Variants in RGS7BP observed in about 807,000 individuals in gnomAD.
The protein encoded by RGS7BP is regulator of G protein signaling 7 binding protein, also known as regulator of G protein signaling 7-binding protein.
RGS7BP carries 9 observed loss-of-function variants against 31.3 expected under a neutral mutation model. The ratio of observed to expected loss-of-function variants is 0.29; its 90% confidence interval spans 0.17 to 0.50. RGS7BP has a LOEUF of 0.50. RGS7BP is among the 20% of genes least tolerant of loss of function. RGS7BP has a pLI of 0.98. For missense variants in RGS7BP, 274 were observed against 322.0 expected, an observed-to-expected ratio of 0.85 and a Z score of 1.14; for synonymous variants, 115 against 120.1, an observed-to-expected ratio of 0.96 and a Z score of 0.28.
intron 2 of RGS7BP, among the ~76,000 whole-genome samples, chr5:64,541,666 G>T (rs1741528755): frequency 1.3e-5 from 2 of 152,084 alleles, no homozygotes; most frequent in Admixed American, 6.5e-5. Context: ...GAATGTAGTT[G>T]TACTTACAGT....
rs66605526 is a variant in RGS7BP at position 64,606,021 on chromosome 5, CATAT to C, written c.683-3124_683-3121del. 1.7e-3 allele frequency among the ~76,000 whole-genome samples: 194 copies of C among 115,158 alleles called. 5 individuals carry two copies. The highest frequency in any genetic ancestry group is 3.8e-3 in the African/African-American group (108 of 28,148). The allele number at this position is 115,158 out of a possible 152,430, so 75.5% of individuals were successfully genotyped here. A position where few individuals can be genotyped will look rare whatever the true frequency, so the allele number is the denominator to read the frequency against. On this transcript the variant is annotated intron_variant, in intron 5 of 5. Transcript: ENST00000334025. The stretch of plus-strand genomic sequence containing the variant: ...TGCTATATATATGTATATCTGGATA[CATAT>C]ATATATATATATATAGAGAGAGAGA...
chr5:64,566,132 C>T (rs1341100650), intron 2 of RGS7BP, among the ~76,000 whole-genome samples: 1 of 151,796 alleles, frequency 6.6e-6, no homozygotes, highest in African/African-American at 2.4e-5. Context: ...CCCTGGGTCT[C>T]TGGCACATAG....
chr5:64,541,042 A>G (rs1436534303), intron 2 of RGS7BP, among the ~76,000 whole-genome samples: 1 of 152,118 alleles, frequency 6.6e-6, no homozygotes, highest in Non-Finnish European at 1.5e-5. Context: ...AATACCTGAG[A>G]CTGGATAATT....
intron 2 of RGS7BP, among the ~76,000 whole-genome samples, chr5:64,549,255 C>G (rs1277537147): frequency 6.6e-6 from 1 of 152,146 alleles, no homozygotes; most frequent in Non-Finnish European, 1.5e-5. Flanking sequence ...ATTCCCGTTG[C>G]AAAAGGGAGA....
intron 3 of RGS7BP, among the ~76,000 whole-genome samples, chr5:64,580,926 A>C (rs1022042042): frequency 4.6e-5 from 7 of 152,158 alleles, no homozygotes; most frequent in African/African-American, 1.7e-4. Flanking sequence ...TATAATAAAA[A>C]CTGGAGGCCA....
chr5:64,601,866 A>C (rs1311194864), intron 5 of RGS7BP, among the ~76,000 whole-genome samples: 1 of 152,240 alleles, frequency 6.6e-6, no homozygotes, highest in Non-Finnish European at 1.5e-5. Context: ...AAACAAAACA[A>C]ATCAGCAGAA....
chr5:64,526,258 T>TGTAA (rs982963461), intron 2 of RGS7BP, among the ~76,000 whole-genome samples: 9 of 152,134 alleles, frequency 5.9e-5, no homozygotes, highest in Non-Finnish European at 1.5e-5. Flanking sequence ...ATTGTACAAA[T>TGTAA]GTAAGTTTGC....
intron 2 of RGS7BP, among the ~76,000 whole-genome samples, chr5:64,536,432 C>T (rs1030795402): frequency 2.6e-5 from 4 of 152,052 alleles, no homozygotes; most frequent in Non-Finnish European, 5.9e-5. Context: ...TGTTTATTGT[C>T]GCACGCGTTC....
At chr5:64,564,133 C>A (rs1742115129) in intron 2 of RGS7BP, among the ~76,000 whole-genome samples, 1 of 152,080 alleles carries the variant, frequency 6.6e-6, no homozygotes, top group South Asian at 2.1e-4. Flanking sequence ...AGCAAATGAC[C>A]TAGAAAAAAC....
At chr5:64,606,029 T>TATGCTATATATATGTATATCTGGATAC in intron 5 of RGS7BP, among the ~76,000 whole-genome samples, 1 of 142,816 alleles carries the variant, frequency 7.0e-6, no homozygotes, top group Non-Finnish European at 1.5e-5. Context: ...TACATATATA[T>TATGCTATATATATGTATATCTGGATAC]ATATATATAT....
At chr5:64,570,673 T>C (rs1462766887) in intron 2 of RGS7BP, among the ~76,000 whole-genome samples, 1 of 152,152 alleles carries the variant, frequency 6.6e-6, no homozygotes, top group Non-Finnish European at 1.5e-5. Flanking sequence ...AACTTGACCT[T>C]ACCAATTATA....
In RGS7BP at chr5:64,594,700, C is replaced by T. The variant is rs1356210660; in HGVS notation, c.464-10C>T. The stretch of plus-strand genomic sequence containing the variant: ...TCCTCTTCTCTTTACCAACACCCTC[C>T]CTCCCTTAGGAAAGGAACCTGGCGG... On this transcript the variant is annotated splice_polypyrimidine_tract_variant and intron_variant, in intron 3 of 5. Transcript: ENST00000334025. 6 of 1,613,392 alleles carry T rather than the reference C, an allele frequency of 3.7e-6. No homozygotes were observed. Among genetic ancestry groups the T allele is most frequent in the Admixed American group, 3.3e-5 (2 of 59,970 alleles).
intron 2 of RGS7BP, among the ~76,000 whole-genome samples, chr5:64,547,737 A>C (rs920956313): frequency 3.9e-5 from 6 of 152,202 alleles, no homozygotes; most frequent in South Asian, 2.1e-4. Flanking sequence ...AATAGCTTCC[A>C]TGATGATGGA....
At chr5:64,541,939 A>G (rs1741535933) in intron 2 of RGS7BP, among the ~76,000 whole-genome samples, 1 of 124,904 alleles carries the variant, frequency 8.0e-6, no homozygotes, top group South Asian at 3.0e-4. Flanking sequence ...CATTTCATAT[A>G]TTTTCTATTC....
intron 3 of RGS7BP, among the ~76,000 whole-genome samples, chr5:64,588,175 A>G (rs1561345320): frequency 6.6e-6 from 1 of 152,224 alleles, no homozygotes. Context: ...ATTTGTTGGA[A>G]GTAAAAATGT....
At chr5:64,539,340 A>G (rs1437946832) in intron 2 of RGS7BP, among the ~76,000 whole-genome samples, 1 of 152,154 alleles carries the variant, frequency 6.6e-6, no homozygotes, top group Non-Finnish European at 1.5e-5. Context: ...TTTTCTTAAC[A>G]GTGTTTTTCA....
intron 2 of RGS7BP, among the ~76,000 whole-genome samples, chr5:64,512,079 G>C (rs1284197669): frequency 6.6e-6 from 1 of 152,174 alleles, no homozygotes; most frequent in Non-Finnish European, 1.5e-5. Context: ...ACATCCTCCA[G>C]CACACCTTGG....
intron 2 of RGS7BP, chr5:64,539,376 T>G (rs1741464533): frequency 1.3e-5 from 2 of 152,250 alleles, no homozygotes; most frequent in South Asian, 4.1e-4. Context: ...AAAATTTTGA[T>G]AAACTAAAAT....
chr5:64,603,777 C>T (rs1465851795), intron 5 of RGS7BP, among the ~76,000 whole-genome samples: 2 of 151,904 alleles, frequency 1.3e-5, no homozygotes, highest in Non-Finnish European at 2.9e-5. Context: ...CTGGGGCAGC[C>T]GGGGTAAATT....
Sources: allele counts gnomAD v4.1 joint callset (sites outside exome capture counted in the v4.1 genomes callset), GRCh38; gene constraint gnomAD v4.1.1; transcripts MANE v1.5; gene names NCBI Gene and HGNC (gene_info 2026-07-23, HGNC 2026-07-21).